The following MDH1 variants were observed in gnomAD, a reference collection of about 807,000 sequenced individuals.
MDH1 encodes malate dehydrogenase, cytoplasmic.
Under a neutral mutation model 38.7 loss-of-function variants are expected in MDH1, and 15 were observed. The observed-to-expected ratio is 0.39, with a 90% CI of 0.26 to 0.60. The LOEUF (loss-of-function observed/expected upper bound fraction) is 0.60, where lower values mean the gene tolerates loss of function less well. Among genes scored for constraint, MDH1 ranks in the 20% least tolerant of loss-of-function variants. The probability of loss-of-function intolerance (pLI) is 0.56; values close to 1 mark genes in which losing one functional copy is unlikely to be tolerated. For missense variants in MDH1, 368 were observed against 405.2 expected, an observed-to-expected ratio of 0.91 and a Z score of 0.79; for synonymous variants, 144 against 143.6, an observed-to-expected ratio of 1.00 and a Z score of -0.02.
At chr2:63,597,852 TCTG>T (rs953013237) in intron 4 of MDH1, 1 of 212,636 alleles carries the variant, frequency 4.7e-6, no homozygotes, top group African/African-American at 2.3e-5. Flanking sequence ...CACAGGATCT[TCTG>T]GTGCATTTTT....
In MDH1 at chr2:63,597,407, G is replaced by A. The variant is rs533261577; in HGVS notation, c.208G>A (p.Ala70Thr). Residue 70 changes from alanine to threonine, a missense_variant, in exon 4 of 9, where the codon GCA (alanine) becomes ACA (threonine). By Grantham distance (58) the Ala-to-Thr change is moderately conservative. Coordinates refer to ENST00000233114, the MANE Select transcript of MDH1 (RefSeq NM_005917.4). ...CALPLLKDVI[A>T]TDKEDVAFKD... Reference sequence around the variant, plus strand: ...TATTGCCATGTCCACAGATGTCATCGCAACAGATAAAGAAGACGTTGCCTT... The same window carrying A: ...TATTGCCATGTCCACAGATGTCATCACAACAGATAAAGAAGACGTTGCCTT... 4.0e-4 allele frequency: 568 copies of A among 1,427,172 alleles called. 13 individuals carry two copies. The South Asian group carries it at 8.4e-3, about 21-fold the overall frequency. 88.4% of individuals were successfully genotyped at this position (1,427,172 alleles called of 1,614,324 possible). A position where few individuals can be genotyped will look rare whatever the true frequency, so the allele number is the denominator to read the frequency against.
At chr2:63,601,647 A>G (rs1320403610) in intron 5 of MDH1, among the ~76,000 whole-genome samples, 1 of 152,198 alleles carries the variant, frequency 6.6e-6, no homozygotes, top group South Asian at 2.1e-4. Flanking sequence ...TTTGCTGTCC[A>G]GACAGAACTG....
At position 63,589,061 on chromosome 2, in the gene MDH1, C is replaced by T. The variant is rs1709085450; in HGVS notation, c.3+15C>T. The T allele has an allele frequency of 6.2e-7, 1 of 1,614,080 alleles. No homozygotes were observed. Among genetic ancestry groups the T allele is most frequent in the African/African-American group, 1.3e-5 (1 of 75,058 alleles). ...TTTCAATCATGGTGAGTGTGGGCCC[C>T]GGGTTCCTGCCCACCTCTGGCCCTC... is the stretch of plus-strand genomic sequence containing the variant. On this transcript the variant is annotated intron_variant, in intron 1 of 8. Coordinates refer to ENST00000233114, the MANE Select transcript of MDH1 (RefSeq NM_005917.4).
At chr2:63,603,034 A>G (rs894890685) in intron 5 of MDH1, among the ~76,000 whole-genome samples, 9 of 132,084 alleles carry the variant, frequency 6.8e-5, no homozygotes, top group Admixed American at 8.2e-5. Context: ...ATCTCGGCTC[A>G]CTGCAACCTC....
intron 2 of MDH1, 173 bp downstream of exon 2, chr2:63,594,759 CAGGCACTGA>C (rs1709271565): frequency 3.7e-6 from 2 of 541,934 alleles, no homozygotes; most frequent in Non-Finnish European, 6.5e-6. Context: ...TGTACGCCTC[CAGGCACTGA>C]AAACACTTTG....
At chr2:63,605,790 T>A in intron 7 of MDH1, 149 bp from the exon 8 acceptor site, 1 of 688,790 alleles carries the variant, frequency 1.5e-6, no homozygotes, top group Non-Finnish European at 2.6e-6. Context: ...AGTTACCTTG[T>A]CACCAGTACC....
chr2:63,602,877 AC>A (rs1278677222), intron 5 of MDH1, among the ~76,000 whole-genome samples: 2 of 147,626 alleles, frequency 1.4e-5, no homozygotes, highest in African/African-American at 5.0e-5. Context: ...TTTTCCACTT[AC>A]CCCTTTTATT....
chr2:63,602,779 A>G (rs1353435546), intron 5 of MDH1, among the ~76,000 whole-genome samples: 1 of 152,186 alleles, frequency 6.6e-6, no homozygotes, highest in Non-Finnish European at 1.5e-5. Context: ...GGAATCATGC[A>G]GTAAGGAACC....
At chr2:63,606,070 T>A in intron 8 of MDH1, 42 bp downstream of exon 8, 1 of 1,526,508 alleles carries the variant, frequency 6.6e-7, no homozygotes, top group Non-Finnish European at 9.1e-7. Context: ...GAGGAAGTAG[T>A]TATATGTTTC....
intron 2 of MDH1, 135 bp downstream of exon 2, chr2:63,594,721 A>G (rs1490355959): frequency 1.5e-6 from 1 of 649,446 alleles, no homozygotes; most frequent in Admixed American, 2.8e-5. Context: ...GCACATTGCT[A>G]TAAATGGAAG....
At chr2:63,601,630 C>G (rs1053793743) in intron 5 of MDH1, among the ~76,000 whole-genome samples, 1 of 152,142 alleles carries the variant, frequency 6.6e-6, no homozygotes, top group African/African-American at 2.4e-5. Flanking sequence ...ATGCAAAGTA[C>G]CTGGCCTTTG....
At chr2:63,590,790 T>C (rs901458902) in intron 1 of MDH1, 3 of 152,160 alleles carry the variant, frequency 2.0e-5, no homozygotes, top group Admixed American at 2.0e-4. Flanking sequence ...TCTGGCAGTT[T>C]GCTGGAACTG....
At chr2:63,596,014 A>T (rs1421667889) in intron 3 of MDH1, among the ~76,000 whole-genome samples, 3 of 152,208 alleles carry the variant, frequency 2.0e-5, no homozygotes, top group Non-Finnish European at 4.4e-5. Context: ...TCAGGTTGAG[A>T]CATAGTGTAA....
chr2:63,597,536 G>A lies in MDH1; in HGVS notation c.337G>A (p.Gly113Ser), dbSNP rs779779818. The A allele has an allele frequency of 6.8e-7, 1 of 1,480,672 alleles. No homozygotes were observed. 91.7% of individuals were successfully genotyped at this position (1,480,672 alleles called of 1,614,324 possible). Residue 113 changes from glycine to serine, a missense_variant, in exon 4 of 9, where the codon GGT becomes AGT. Transcript: ENST00000233114. ...AAATGTGAAAATCTTCAAATCCCAG[G>A]GTGCAGCCTTAGATAAATACGCCAA... ...KANVKIFKSQ[G>S]AALDKYAKKS...
intron 3 of MDH1, 48 bp downstream of exon 3, chr2:63,595,567 A>C (rs1186762849): frequency 8.3e-7 from 1 of 1,208,142 alleles, no homozygotes; most frequent in South Asian, 1.3e-5. Context: ...GATTTCTTAC[A>C]AAATACAGGT....
intron 8 of MDH1, among the ~76,000 whole-genome samples, 156 bp downstream of exon 8, chr2:63,606,184 C>G (rs1709524800): frequency 6.6e-6 from 1 of 152,226 alleles, no homozygotes. Flanking sequence ...GAGTTCAAGA[C>G]CAGCCGGGGC....
intron 4 of MDH1, 38 bp from the exon 5 acceptor site, chr2:63,599,132 A>G: frequency 6.2e-7 from 1 of 1,603,116 alleles, no homozygotes; most frequent in Non-Finnish European, 8.5e-7. Flanking sequence ...TAGTAACTAT[A>G]TAGTCTGTAA....
chr2:63,594,972 A>T (rs1709277142), intron 2 of MDH1: 1 of 249,544 alleles, frequency 4.0e-6, no homozygotes, highest in African/African-American at 2.3e-5. Context: ...TGAAGCAGGC[A>T]CTCCGACTTC....
intron 4 of MDH1, chr2:63,597,785 T>G: frequency 2.8e-6 from 1 of 363,084 alleles, no homozygotes; most frequent in Non-Finnish European, 4.8e-6. Flanking sequence ...TCAAAAATAT[T>G]TTTCCTATTA....
Sources: allele counts gnomAD v4.1 joint callset (sites outside exome capture counted in the v4.1 genomes callset), GRCh38; gene constraint gnomAD v4.1.1; transcripts MANE v1.5; gene names NCBI Gene and HGNC (gene_info 2026-07-23, HGNC 2026-07-21).